Variants in NEDD4L observed in about 807,000 individuals in gnomAD.
The protein encoded by NEDD4L is E3 ubiquitin-protein ligase NEDD4-like.
In NEDD4L, 54 loss-of-function variants were observed where a neutral mutation model predicts 148.9. The ratio of observed to expected loss-of-function variants is 0.36; its 90% CI spans 0.29 to 0.45. NEDD4L has a LOEUF of 0.45. Among genes scored for constraint, NEDD4L ranks in the 20% least tolerant of loss-of-function variants. The pLI, the probability that NEDD4L is intolerant of heterozygous loss-of-function variation, is 1.00. For missense variants in NEDD4L, 856 were observed against 1,233.8 expected, an observed-to-expected ratio of 0.69 and a Z score of 4.59; for synonymous variants, 433 against 440.7, an observed-to-expected ratio of 0.98 and a Z score of 0.22.
At chr18:58,212,885 AT>A (rs759090904) in intron 2 of NEDD4L, among the ~76,000 whole-genome samples, 5 of 152,240 alleles carry the variant, frequency 3.3e-5, no homozygotes, top group Non-Finnish European at 5.9e-5. Flanking sequence ...AAACTTACAA[AT>A]TGTTAAGAAA....
intron 6 of NEDD4L, among the ~76,000 whole-genome samples, chr18:58,319,935 A>G (rs573114854): frequency 5.8e-4 from 88 of 152,286 alleles, no homozygotes; most frequent in African/African-American, 2.1e-3. Flanking sequence ...CAGCCCTGTA[A>G]GTTATGGTTA....
chr18:58,157,426 A>T (rs761762810), intron 1 of NEDD4L, among the ~76,000 whole-genome samples: 3 of 152,142 alleles, frequency 2.0e-5, no homozygotes, highest in Admixed American at 6.5e-5. Flanking sequence ...TCTTGTGTCC[A>T]TGCAGTTTGC....
chr18:58,350,328 A>G (rs572899245), intron 17 of NEDD4L, among the ~76,000 whole-genome samples: 1 of 152,216 alleles, frequency 6.6e-6, no homozygotes, highest in African/African-American at 2.4e-5. Context: ...ATTATTCATT[A>G]GGTTATACAG....
chr18:58,333,688 A>G (rs1302015444), intron 11 of NEDD4L, 130 bp from the exon 12 acceptor site: 16 of 682,816 alleles, frequency 2.3e-5, no homozygotes, highest in Non-Finnish European at 4.0e-5. Context: ...CTCTGAAAAG[A>G]TGTTTCATTT....
chr18:58,233,355 G>A (rs1200760906), intron 2 of NEDD4L, among the ~76,000 whole-genome samples: 3 of 152,184 alleles, frequency 2.0e-5, no homozygotes, highest in African/African-American at 7.2e-5. Flanking sequence ...ACATGGCCGG[G>A]GAGGCCTCAC....
At chr18:58,323,179 T>G in intron 7 of NEDD4L, 53 bp from the exon 8 acceptor site, 1 of 1,046,342 alleles carries the variant, frequency 9.6e-7, no homozygotes, top group Non-Finnish European at 1.5e-6. Context: ...CGATTTTAAG[T>G]GTCCTTTGAA....
intron 14 of NEDD4L, 107 bp from the exon 15 acceptor site, chr18:58,341,571 C>A: frequency 8.1e-7 from 1 of 1,231,954 alleles, no homozygotes; most frequent in Non-Finnish European, 1.1e-6. Context: ...TTAAATAGGC[C>A]AGACCTCTTA....
At chr18:58,058,529 CTT>C (rs1429492465) in intron 1 of NEDD4L, among the ~76,000 whole-genome samples, 1 of 152,186 alleles carries the variant, frequency 6.6e-6, no homozygotes, top group Non-Finnish European at 1.5e-5. Context: ...GATACAAAAT[CTT>C]TGATAGGGTT....
intron 5 of NEDD4L, among the ~76,000 whole-genome samples, chr18:58,261,878 C>G (rs2049432990): frequency 6.6e-6 from 1 of 152,162 alleles, no homozygotes; most frequent in African/African-American, 2.4e-5. Context: ...TTATATTAAG[C>G]CATTTGCAAG....
At chr18:58,178,141 T>C (rs1215063183) in intron 2 of NEDD4L, among the ~76,000 whole-genome samples, 1 of 152,180 alleles carries the variant, frequency 6.6e-6, no homozygotes, top group Non-Finnish European at 1.5e-5. Flanking sequence ...CCATTGATTT[T>C]CTACAACATA....
chr18:58,294,615 T>C (rs2055276036), intron 5 of NEDD4L, among the ~76,000 whole-genome samples: 1 of 151,950 alleles, frequency 6.6e-6, no homozygotes, highest in South Asian at 2.1e-4. Context: ...GTTGATTTTT[T>C]TTTGCCTTTT....
intron 1 of NEDD4L, among the ~76,000 whole-genome samples, chr18:58,161,237 G>A (rs1253614602): frequency 6.6e-6 from 1 of 151,996 alleles, no homozygotes. Context: ...CACCATGTTG[G>A]TCAGGCTGGT....
At chr18:58,283,470 T>G (rs1457330067) in intron 5 of NEDD4L, among the ~76,000 whole-genome samples, 1 of 152,140 alleles carries the variant, frequency 6.6e-6, no homozygotes, top group African/African-American at 2.4e-5. Flanking sequence ...GCCATGCCAT[T>G]TCAGATTGGG....
intron 5 of NEDD4L, among the ~76,000 whole-genome samples, chr18:58,303,278 T>G (rs183481922): frequency 2.5e-4 from 38 of 152,324 alleles, no homozygotes; most frequent in African/African-American, 8.7e-4. Context: ...ATGCTCATTC[T>G]TATTGTTTTT....
At chr18:58,115,655 T>G (rs986158546) in intron 1 of NEDD4L, among the ~76,000 whole-genome samples, 3 of 152,174 alleles carry the variant, frequency 2.0e-5, no homozygotes, top group African/African-American at 7.2e-5. Context: ...CTCTCTCCCG[T>G]TAGTTCTGTT....
chr18:58,225,645 T>G (rs896478767), intron 2 of NEDD4L, among the ~76,000 whole-genome samples: 1 of 152,154 alleles, frequency 6.6e-6, no homozygotes, highest in African/African-American at 2.4e-5. Context: ...TCAGCAAATA[T>G]GTACCAAGCC....
intron 27 of NEDD4L, chr18:58,388,067 G>C (rs1472405223): frequency 6.6e-6 from 1 of 152,348 alleles, no homozygotes; most frequent in African/African-American, 2.4e-5. Context: ...AAGGCAACAG[G>C]GTTGTAGCAA....
chr18:58,365,116 G>T (rs2045949161), intron 20 of NEDD4L, among the ~76,000 whole-genome samples: 1 of 152,302 alleles, frequency 6.6e-6, no homozygotes, highest in African/African-American at 2.4e-5. Context: ...TCCTGCCCGG[G>T]AACATCTCTG....
At chr18:58,060,795 GT>G (rs1443672814) in intron 1 of NEDD4L, among the ~76,000 whole-genome samples, 5 of 152,086 alleles carry the variant, frequency 3.3e-5, no homozygotes, top group African/African-American at 1.2e-4. Context: ...TTTTGCTCTT[GT>G]TGCGCAGGCT....
Sources: allele counts gnomAD v4.1 joint callset (sites outside exome capture counted in the v4.1 genomes callset), GRCh38; gene constraint gnomAD v4.1.1; transcripts MANE v1.5; gene names NCBI Gene and HGNC (gene_info 2026-07-23, HGNC 2026-07-21).